The following SPTA1 variants were observed in gnomAD, a reference collection of about 807,000 sequenced individuals.
SPTA1 encodes spectrin alpha, erythrocytic 1.
SPTA1 carries 177 observed loss-of-function variants against 324.7 expected under a neutral mutation model. The ratio of observed to expected loss-of-function variants is 0.55; its 90% CI spans 0.48 to 0.62. The LOEUF is 0.62. SPTA1 is among the 20% of genes least tolerant of loss of function. The pLI is 0.00. For synonymous variants in SPTA1, 1,195 were observed against 1,041.3 expected (o/e 1.15, Z -2.84); for missense variants, 3,162 against 2,883.6 (o/e 1.10, Z -2.21).
chr1:158,643,909 G>A (rs1651801108), intron 30 of SPTA1, among the ~76,000 whole-genome samples: 1 of 152,056 alleles, frequency 6.6e-6, no homozygotes, highest in South Asian at 2.1e-4. Flanking sequence ...GGCCGAGGTA[G>A]GTAGATCACT....
At chr1:158,663,693 T>C (rs1173212467) in intron 16 of SPTA1, among the ~76,000 whole-genome samples, 1 of 152,132 alleles carries the variant, frequency 6.6e-6, no homozygotes, top group Non-Finnish European at 1.5e-5. Flanking sequence ...TCATTGGGTA[T>C]AAGAGTGGCA....
At position 158,651,421 on chromosome 1, in the gene SPTA1, A is replaced by G. The variant is rs1652421787; in HGVS notation, c.3423T>C (p.Ala1141=). The change falls in exon 24 of 52, where the codon GCT becomes GCC. Residue 1141 remains alanine, a synonymous_variant. Transcript: ENST00000643759. ...GAAGTCCTTCAAATAGTAGATCATC[A>G]GCTACCTTGTTGATATCCCTTAGCC... ...EPRLRDINKV[A]DDLLFEGLLT... The G allele has an allele frequency of 6.2e-7, 1 of 1,613,974 alleles. No individual in the cohort carries two copies. The highest frequency in any genetic ancestry group is 8.5e-7 in the Non-Finnish European group (1 of 1,179,902).
At position 158,669,848 on chromosome 1, in the gene SPTA1, A is replaced by C; in HGVS notation, c.1600-62T>G. On this transcript the variant is annotated intron_variant, in intron 12 of 51. Coordinates refer to ENST00000643759, the MANE Select transcript of SPTA1 (RefSeq NM_003126.4). ...CAGTGACCACTGAGTAAGTGGCCATAGTTTGGGTAGCTGTTTAAAGATGAA... is the reference window on the plus strand; with the variant it reads ...CAGTGACCACTGAGTAAGTGGCCATCGTTTGGGTAGCTGTTTAAAGATGAA... 2.0e-6 allele frequency: 3 copies of C among 1,522,384 alleles called. No homozygotes were observed. The South Asian group carries it at 3.4e-5, about 17-fold the overall frequency. The allele number at this position is 1,522,384 out of a possible 1,614,324, so 94.3% of individuals were successfully genotyped here. A position where few individuals can be genotyped will look rare whatever the true frequency, so the allele number is the denominator to read the frequency against.
rs567397506 is a variant in SPTA1, at chr1:158,642,982, G to A, written c.4443-6C>T. ...GTGCTTTGAGAGCCTTCCACCTAGA[G>A]GACGGAGCCAAATCACTCTATGCCC... On this transcript the variant is annotated splice_region_variant and splice_polypyrimidine_tract_variant and intron_variant, in intron 31 of 51. Transcript: ENST00000643759. The A allele has an allele frequency of 8.1e-6, 13 of 1,613,406 alleles. No homozygotes were observed. In the East Asian group the frequency reaches 8.9e-5, roughly 11 times the overall value.
intron 39 of SPTA1, among the ~76,000 whole-genome samples, chr1:158,629,144 A>C (rs938031027): frequency 1.3e-5 from 2 of 151,120 alleles, no homozygotes. Context: ...GATGATAGAT[A>C]GATAGATAGA....
In SPTA1 at chr1:158,620,376, G is replaced by A. The variant is rs374496114; in HGVS notation, c.6211C>T (p.His2071Tyr). Reference protein sequence around the residue: ...KMEENLSEPVHCVSLNEIRQL... With the variant: ...KMEENLSEPVYCVSLNEIRQL... ...CGAATTTCATTCAGGGAGACACAGT[G>A]CACAGGCTCTGACAAGTTTTCTTCC... The change falls in exon 44 of 52, where the codon CAC becomes TAC. Residue 2071 changes from histidine to tyrosine, a missense_variant. By Grantham distance (83) the His-to-Tyr change is moderately conservative. Coordinates refer to ENST00000643759, the MANE Select transcript of SPTA1 (RefSeq NM_003126.4). The A allele has an allele frequency of 5.6e-6, 9 of 1,614,046 alleles. No homozygotes were observed. Among genetic ancestry groups the A allele is most frequent in the Non-Finnish European group, 5.1e-6 (6 of 1,180,032 alleles).
intron 30 of SPTA1, among the ~76,000 whole-genome samples, chr1:158,643,865 G>A (rs896347477): frequency 4.6e-5 from 7 of 152,046 alleles, no homozygotes; most frequent in Non-Finnish European, 1.0e-4. Context: ...GGCTGGGCAC[G>A]GTGGCTCACT....
At chr1:158,669,588 CT>C (rs1557980606) in intron 13 of SPTA1, 25 bp from the exon 14 acceptor site, 1 of 1,614,114 alleles carries the variant, frequency 6.2e-7, no homozygotes, top group Admixed American at 1.7e-5. Flanking sequence ...AGTAAACTTA[CT>C]GTCAGCACAA....
intron 8 of SPTA1, among the ~76,000 whole-genome samples, chr1:158,675,708 C>T (rs568585756): frequency 1.3e-3 from 191 of 152,142 alleles, no homozygotes; most frequent in Non-Finnish European, 1.9e-3. Context: ...CACTGTGATA[C>T]TAAGACAGTC....
chr1:158,635,405 T>C (rs781521278), intron 38 of SPTA1, among the ~76,000 whole-genome samples: 1 of 152,088 alleles, frequency 6.6e-6, no homozygotes, highest in Non-Finnish European at 1.5e-5. Flanking sequence ...CCAGTCATGC[T>C]TCCTGTACAG....
At chr1:158,666,583 C>A in intron 15 of SPTA1, 86 bp from the exon 16 acceptor site, 1 of 1,175,234 alleles carries the variant, frequency 8.5e-7, no homozygotes, top group South Asian at 1.3e-5. Context: ...ATTGAAGGAT[C>A]AATATAGTAT....
chr1:158,663,975 A>T (rs1319675028), intron 16 of SPTA1, among the ~76,000 whole-genome samples: 3 of 152,202 alleles, frequency 2.0e-5, no homozygotes, highest in Non-Finnish European at 2.9e-5. Context: ...ATGGCTCCTC[A>T]ATTTGGAAAA....
chr1:158,643,572 G>T, intron 30 of SPTA1, 147 bp from the exon 31 acceptor site: 1 of 819,146 alleles, frequency 1.2e-6, no homozygotes, highest in Non-Finnish European at 2.0e-6. Context: ...TTACAGGGAG[G>T]TGGGTTTCAA....
chr1:158,625,864 T>C (rs1344341907), intron 42 of SPTA1, among the ~76,000 whole-genome samples: 2 of 151,164 alleles, frequency 1.3e-5, no homozygotes, highest in Non-Finnish European at 3.0e-5. Context: ...TAAAAAAAGA[T>C]AATAATATAT....
chr1:158,656,564 C>T lies in SPTA1; in HGVS notation c.2898G>A (p.Gln966=), dbSNP rs1553232007. The part of the protein sequence containing the change: ...KALRNQANAC[Q]QQQAAPVEGV... ...CCTGTCATCGCTAAGTTAGTCTTAC[C>T]TGGCAGGCGTTTGCCTGATTCCGCA... The change falls in exon 20 of 52, where the codon CAG becomes CAA. Residue 966 remains glutamine, a splice_region_variant and synonymous_variant. Transcript: ENST00000643759. The T allele has an allele frequency of 6.2e-7, 1 of 1,612,964 alleles. No homozygotes were observed. The highest frequency in any genetic ancestry group is 8.5e-7 in the Non-Finnish European group (1 of 1,179,152).
chr1:158,669,366 A>G (rs1557980076), intron 14 of SPTA1, 42 bp downstream of exon 14: 2 of 1,613,442 alleles, frequency 1.2e-6, no homozygotes, highest in Non-Finnish European at 1.7e-6. Context: ...CAATGAAAGG[A>G]ACTCCTGATA....
chr1:158,621,703 C>T (rs1479037935), intron 43 of SPTA1, among the ~76,000 whole-genome samples: 3 of 152,076 alleles, frequency 2.0e-5, no homozygotes, highest in Non-Finnish European at 4.4e-5. Context: ...TTGATGTAGG[C>T]CCTATGTTTT....
intron 6 of SPTA1, 119 bp downstream of exon 6, chr1:158,678,282 C>A: frequency 7.3e-7 from 1 of 1,363,292 alleles, no homozygotes; most frequent in Non-Finnish European, 1.0e-6. Context: ...GTACATGATC[C>A]ACTTTTGTTT....
rs771222786 is a variant in SPTA1, at chr1:158,666,322, A to G, written c.2214T>C (p.Ala738=). ...CAAAGAGCTAACAACAAACCTGACG[A>G]GCAGCCACAGCCGACTCCAGGAGGC... ...KHGLLESAVA[A]RQDQVDILTD... is the part of the protein sequence containing the mutation. The change falls in exon 16 of 52, where the codon GCT becomes GCC. Residue 738 remains alanine (A), a synonymous_variant. Transcript: ENST00000643759. The G allele has an allele frequency of 1.2e-6, 2 of 1,613,486 alleles. No homozygotes were observed. Among genetic ancestry groups the G allele is most frequent in the Non-Finnish European group, 1.7e-6 (2 of 1,179,912 alleles).
Sources: allele counts gnomAD v4.1 joint callset (sites outside exome capture counted in the v4.1 genomes callset), GRCh38; gene constraint gnomAD v4.1.1; transcripts MANE v1.5; gene names NCBI Gene and HGNC (gene_info 2026-07-23, HGNC 2026-07-21).